TP53BP1: variants seen among roughly 807,000 people sequenced by gnomAD.
The protein encoded by TP53BP1 is tumor protein p53 binding protein 1, also known as TP53-binding protein 1.
Under a neutral mutation model 200.8 loss-of-function variants are expected in TP53BP1, and 61 were observed. That is an observed-to-expected ratio of 0.30 (90% CI 0.25 to 0.38). The LOEUF (loss-of-function observed/expected upper bound fraction) is 0.38. Ranked by LOEUF, TP53BP1 falls within the 10% of genes least tolerant of loss-of-function variation. TP53BP1 has a pLI of 1.00. For missense variants in TP53BP1, 2,144 were observed against 2,371.9 expected, an observed-to-expected ratio of 0.90 and a Z score of 2.00; for synonymous variants, 822 against 844.3, an observed-to-expected ratio of 0.97 and a Z score of 0.46.
At chr15:43,415,003 C>G (rs1238193643) in intron 23 of TP53BP1, among the ~76,000 whole-genome samples, 1 of 152,158 alleles carries the variant, frequency 6.6e-6, no homozygotes, top group Non-Finnish European at 1.5e-5. Flanking sequence ...CCACCATGCC[C>G]AGCCATGTTT....
At chr15:43,409,230 G>C in intron 25 of TP53BP1, 134 bp from the exon 26 acceptor site, 2 of 752,694 alleles carry the variant, frequency 2.7e-6, no homozygotes, top group South Asian at 3.5e-5. Flanking sequence ...AGTCTATCCT[G>C]CCCAAGGCCA....
chr15:43,473,252 C>G (rs1347355214), intron 10 of TP53BP1, among the ~76,000 whole-genome samples: 1 of 152,046 alleles, frequency 6.6e-6, no homozygotes, highest in Non-Finnish European at 1.5e-5. Context: ...GGAAGGGGAC[C>G]CGAGCGGGTT....
At chr15:43,480,110 CCTT>C in intron 5 of TP53BP1, 93 bp from the exon 6 acceptor site, 1 of 1,201,704 alleles carries the variant, frequency 8.3e-7, no homozygotes, top group South Asian at 1.4e-5. Context: ...CCCGTTAAGT[CCTT>C]CACATCAAAG....
At position 43,404,916 on chromosome 15, in the gene TP53BP1, C is replaced by CCA. The variant is rs2044813796; in HGVS notation, c.*2465_*2466dup. The CCA allele has an allele frequency of 2.0e-6, 1 of 510,530 alleles. No individual in the cohort carries two copies. The highest frequency in any genetic ancestry group is 3.5e-6 in the Non-Finnish European group (1 of 289,470). The allele number at this position is 510,530 out of a possible 1,614,324, so 31.6% of individuals were successfully genotyped here. A position where few individuals can be genotyped will look rare whatever the true frequency, so the allele number is the denominator to read the frequency against. On this transcript the variant is annotated 3_prime_UTR_variant, in exon 28 of 28. Coordinates refer to ENST00000382044, the MANE Select transcript of TP53BP1 (RefSeq NM_001141980.3). ...CTTCCGCATCTGTGAAAGGAGGCGA[C>CCA]CACCCCTTCTAACTCTAAACTTTAA...
chr15:43,411,376 T>C (rs1258973355), intron 24 of TP53BP1, among the ~76,000 whole-genome samples: 3 of 152,250 alleles, frequency 2.0e-5, no homozygotes, highest in Admixed American at 6.5e-5. Context: ...GGATCTCTGA[T>C]GGTGTGCCAC....
intron 14 of TP53BP1, 104 bp from the exon 15 acceptor site, chr15:43,441,687 C>A: frequency 1.4e-6 from 1 of 711,466 alleles, no homozygotes; most frequent in Non-Finnish European, 2.5e-6. Context: ...CAAAAAATAA[C>A]AAAAAGAAAT....
At chr15:43,495,532 CAA>C (rs71111819), upstream of TP53BP1, among the ~76,000 whole-genome samples, 1,639 of 141,888 alleles carry the variant, frequency 0.012, 19 homozygotes, top group Non-Finnish European at 0.016. Context: ...CACACACACA[CAA>C]AAGCCAGGTG....
In TP53BP1 at chr15:43,428,001, C is replaced by T; in HGVS notation, c.3828+15G>A. The T allele has an allele frequency of 6.6e-7, 1 of 1,522,198 alleles. No individual in the cohort carries two copies. The highest frequency in any genetic ancestry group is 2.3e-5 in the East Asian group (1 of 43,510). 94.3% of individuals were successfully genotyped at this position (1,522,198 alleles called of 1,614,324 possible). On this transcript the variant is annotated intron_variant, in intron 18 of 27. Coordinates refer to ENST00000382044, the MANE Select transcript of TP53BP1 (RefSeq NM_001141980.3). ...AAGAAAGAAATTTGCCACACAGACT[C>T]AGAGTATGTATTACCTCAGTTACTT...
chr15:43,443,923 C>G (rs2045985836), intron 14 of TP53BP1, among the ~76,000 whole-genome samples: 1 of 152,216 alleles, frequency 6.6e-6, no homozygotes, highest in South Asian at 2.1e-4. Flanking sequence ...AACAGTCCAT[C>G]AGGGAGGCAG....
intron 11 of TP53BP1, among the ~76,000 whole-genome samples, chr15:43,465,601 T>C (rs929957898): frequency 2.2e-4 from 34 of 152,130 alleles, no homozygotes; most frequent in Non-Finnish European, 4.0e-4. Flanking sequence ...ATAAATTTCT[T>C]TGAACTGAAG....
intron 8 of TP53BP1, among the ~76,000 whole-genome samples, chr15:43,477,069 G>C (rs2078894048): frequency 6.6e-6 from 1 of 152,118 alleles, no homozygotes; most frequent in Non-Finnish European, 1.5e-5. Flanking sequence ...GGGAGGCCAA[G>C]GCAGGCGGAT....
rs921571560 is a variant in TP53BP1 at position 43,456,364 on chromosome 15, C to T, written c.2244G>A (p.Gln748=). Reference sequence around the variant, plus strand: ...CTGAAGTAGCTTCTTCCCAAGCTTCCTGTTCCTTATGTTCCAATTCTTGGT... The same window carrying T: ...CTGAAGTAGCTTCTTCCCAAGCTTCTTGTTCCTTATGTTCCAATTCTTGGT... ...ILDQELEHKE[Q]EAWEEATSED... is the part of the protein sequence containing the mutation. Residue 748 remains glutamine (Q), a synonymous_variant, in exon 12 of 28, where the codon CAG becomes CAA. Transcript: ENST00000382044. The T allele has an allele frequency of 6.2e-7, 1 of 1,611,404 alleles. No homozygotes were observed. Among genetic ancestry groups the T allele is most frequent in the Non-Finnish European group, 8.5e-7 (1 of 1,179,254 alleles).
In TP53BP1 at chr15:43,409,797, ACCTTATGCCT is replaced by A. The variant is rs2045054508; in HGVS notation, c.5306-66_5306-57del. 8 of 850,866 alleles carry A rather than the reference ACCTTATGCCT, an allele frequency of 9.4e-6. No individual in the cohort carries two copies. In the African/African-American group the frequency reaches 1.1e-4, roughly 11 times the overall value. 52.7% of individuals were successfully genotyped at this position (850,866 alleles called of 1,614,324 possible). ...TTACTGAGTGGTTTTCTTATTTGCT[ACCTTATGCCT>A]CCTTCTTACTGCCCCCTTTTCCACT... On this transcript the variant is annotated intron_variant, in intron 24 of 27. Coordinates refer to ENST00000382044, the MANE Select transcript of TP53BP1 (RefSeq NM_001141980.3).
intron 16 of TP53BP1, among the ~76,000 whole-genome samples, chr15:43,437,017 G>T (rs2045814428): frequency 6.6e-6 from 1 of 151,960 alleles, no homozygotes; most frequent in African/African-American, 2.4e-5. Flanking sequence ...AAATTAGCCA[G>T]ACACGGCAGC....
chr15:43,425,299 G>C (rs944634421), intron 18 of TP53BP1, among the ~76,000 whole-genome samples: 2 of 152,200 alleles, frequency 1.3e-5, no homozygotes, highest in Non-Finnish European at 2.9e-5. Flanking sequence ...GCTGTTTCCA[G>C]AAATATACTT....
intron 17 of TP53BP1, among the ~76,000 whole-genome samples, chr15:43,428,804 A>T (rs1191054922): frequency 1.3e-5 from 2 of 152,224 alleles, no homozygotes; most frequent in African/African-American, 4.8e-5. Flanking sequence ...ATCTAGTTCT[A>T]CTACAAGAAT....
In TP53BP1 at chr15:43,415,721, A is replaced by G; in HGVS notation, c.4962T>C (p.Pro1654=). Residue 1654 remains proline (P), a synonymous_variant, in exon 23 of 28, where the codon CCT becomes CCC. Transcript: ENST00000382044. ...GAGGACTTTCTGTGATCTTTCGGGT[A>G]GGGGTTGTGCTGCTGCTACTGGAGG... ...PTASSSSSTT[P]TRKITESPRA... is the part of the protein sequence containing the mutation. The G allele has an allele frequency of 6.2e-7, 1 of 1,614,162 alleles. No homozygotes were observed. Among genetic ancestry groups the G allele is most frequent in the South Asian group, 1.1e-5 (1 of 91,084 alleles).
chr15:43,479,254 T>C (rs2078927683), intron 7 of TP53BP1, 143 bp downstream of exon 7: 2 of 802,438 alleles, frequency 2.5e-6, no homozygotes, highest in African/African-American at 3.6e-5. Context: ...AATCAACGTT[T>C]CCAATGGACC....
chr15:43,503,447 C>T (rs2079220123), intron 1 of TP53BP1, among the ~76,000 whole-genome samples: 1 of 152,212 alleles, frequency 6.6e-6, no homozygotes, highest in Non-Finnish European at 1.5e-5. Flanking sequence ...TACCTGATGT[C>T]AGGATTTCAA....
Sources: allele counts gnomAD v4.1 joint callset (sites outside exome capture counted in the v4.1 genomes callset), GRCh38; gene constraint gnomAD v4.1.1; transcripts MANE v1.5; gene names NCBI Gene and HGNC (gene_info 2026-07-23, HGNC 2026-07-21).